The following CRADD variants were observed in gnomAD, a reference collection of about 807,000 sequenced individuals.
The protein encoded by CRADD is CARD and death domain containing adaptor protein.
A neutral mutation model predicts 15.5 loss-of-function variants in CRADD; 9 were observed. The observed-to-expected ratio is 0.58, with a 90% CI of 0.35 to 1.01. The LOEUF (loss-of-function observed/expected upper bound fraction) is 1.01. CRADD is among the 50% of genes least tolerant of loss of function. CRADD has a pLI of 0.02. For missense variants in CRADD, 227 were observed against 250.3 expected (o/e 0.91, Z 0.63); for synonymous variants, 118 against 107.6 (o/e 1.10, Z -0.60).
rs959243302 is a variant in CRADD, at chr12:93,850,703, G to A, written c.*432G>A. The A allele has an allele frequency of 1.0e-6, 1 of 983,920 alleles. No individual in the cohort carries two copies. The allele number at this position is 983,920 out of a possible 1,614,324, so 60.9% of individuals were successfully genotyped here. ...AACTGTGGACTTTACTATTCATAAT[G>A]ATAAAATAATAAAATGCGAATTACT... On this transcript the variant is annotated 3_prime_UTR_variant, in exon 3 of 3. Transcript: ENST00000332896. This position sits in a 1 kb window ranked among gnomAD's most constrained non-coding sequence, Gnocchi z 4.0.
intron 2 of CRADD, among the ~76,000 whole-genome samples, chr12:93,884,199 G>A (rs1463741782): frequency 1.3e-5 from 2 of 152,170 alleles, no homozygotes; most frequent in Admixed American, 6.5e-5. Flanking sequence ...AAATAACAAA[G>A]TACTGCATTT....
intron 2 of CRADD, among the ~76,000 whole-genome samples, chr12:93,790,520 A>G (rs1353902128): frequency 6.6e-6 from 1 of 151,696 alleles, no homozygotes; most frequent in Non-Finnish European, 1.5e-5. Context: ...TTGTGTGTAT[A>G]TTTTCGCTGG....
intron 2 of CRADD, among the ~76,000 whole-genome samples, chr12:93,692,397 T>A (rs1471119614): frequency 6.6e-6 from 1 of 151,962 alleles, no homozygotes; most frequent in Non-Finnish European, 1.5e-5. Flanking sequence ...TTAGATTCAA[T>A]CCAAACAAGA....
chr12:93,849,983 T>C lies in CRADD; in HGVS notation c.312T>C (p.Thr104=), dbSNP rs2137050018. 2.5e-6 allele frequency: 4 copies of C among 1,602,896 alleles called. No individual in the cohort carries two copies. Among genetic ancestry groups the C allele is most frequent in the Non-Finnish European group, 2.6e-6 (3 of 1,169,792 alleles). ...MTDLPAGDRL[T]GIPSHILNSS... is the part of the protein sequence containing the mutation. ...TTTCCTCCTCAGGTGACAGATTGAC[T>C]GGGATCCCCTCGCACATCCTCAACA... Residue 104 remains threonine, a synonymous_variant, in exon 3 of 3, where the codon ACT becomes ACC. Transcript: ENST00000332896.
chr12:93,841,261 G>A (rs913084344), intron 2 of CRADD, among the ~76,000 whole-genome samples: 8 of 152,028 alleles, frequency 5.3e-5, no homozygotes, highest in African/African-American at 1.7e-4. Context: ...TTCTAAAATC[G>A]TAACTGAAAC....
chr12:93,747,998 T>A (rs61928999), intron 2 of CRADD, among the ~76,000 whole-genome samples: 5,625 of 151,606 alleles, frequency 0.037, 154 homozygotes, highest in South Asian at 0.064. Flanking sequence ...GAAAAAAATA[T>A]ATATATATAT....
intron 2 of CRADD, among the ~76,000 whole-genome samples, chr12:93,868,790 C>T (rs1958393309): frequency 6.6e-6 from 1 of 152,014 alleles, no homozygotes; most frequent in Admixed American, 6.6e-5. Flanking sequence ...CAGACATCCA[C>T]CACCTGCAGA....
At chr12:93,866,056 C>T (rs1958364945) in intron 2 of CRADD, among the ~76,000 whole-genome samples, 1 of 152,152 alleles carries the variant, frequency 6.6e-6, no homozygotes, top group African/African-American at 2.4e-5. Flanking sequence ...TTTTCCCTCT[C>T]TAGAAGCTTT....
chr12:93,780,649 T>C (rs1475706107), intron 2 of CRADD, among the ~76,000 whole-genome samples: 1 of 152,184 alleles, frequency 6.6e-6, no homozygotes, highest in Non-Finnish European at 1.5e-5. Context: ...TGCCAGTAGA[T>C]GTTATTGAAG....
At chr12:93,779,384 G>C (rs1233763822) in intron 2 of CRADD, among the ~76,000 whole-genome samples, 1 of 151,628 alleles carries the variant, frequency 6.6e-6, no homozygotes, top group Non-Finnish European at 1.5e-5. Flanking sequence ...AAGAAAAGTT[G>C]GACATAACCA....
chr12:93,703,814 C>T (rs1955886295), intron 2 of CRADD, among the ~76,000 whole-genome samples: 1 of 152,090 alleles, frequency 6.6e-6, no homozygotes, highest in South Asian at 2.1e-4. Context: ...AGGAAATTGA[C>T]ATTGGTGCAA....
At chr12:93,838,259 G>C (rs1235328084) in intron 2 of CRADD, among the ~76,000 whole-genome samples, 1 of 138,350 alleles carries the variant, frequency 7.2e-6, no homozygotes, top group Non-Finnish European at 1.5e-5. Context: ...CAGTCTCTCA[G>C]CCAAAGGGAT....
chr12:93,803,265 A>T (rs531252688), intron 2 of CRADD, among the ~76,000 whole-genome samples: 9 of 152,302 alleles, frequency 5.9e-5, no homozygotes, highest in African/African-American at 2.2e-4. Flanking sequence ...GGCCTGGCCC[A>T]TGAAAACCTC....
chr12:93,832,218 C>G (rs1957913245), intron 2 of CRADD, among the ~76,000 whole-genome samples: 1 of 152,190 alleles, frequency 6.6e-6, no homozygotes, highest in South Asian at 2.1e-4. Flanking sequence ...CCTGCCTTCT[C>G]TCTCTCTTCC....
chr12:93,694,985 A>C (rs1955666011), intron 2 of CRADD, among the ~76,000 whole-genome samples: 1 of 152,248 alleles, frequency 6.6e-6, no homozygotes, highest in Non-Finnish European at 1.5e-5. Flanking sequence ...ATGGAACCAC[A>C]AAAGACCCTG....
At position 93,694,807 on chromosome 12, in the gene CRADD, T is replaced by C. The variant is rs61528300; in HGVS notation, c.298+15735T>C. 4.5e-3 allele frequency among the ~76,000 whole-genome samples: 691 copies of C among 152,196 alleles called. 2 individuals carry two copies. The highest frequency in any genetic ancestry group is 0.016 in the African/African-American group (665 of 41,548). On this transcript the variant is annotated intron_variant, in intron 2 of 2. Coordinates refer to ENST00000332896, the MANE Select transcript of CRADD (RefSeq NM_003805.5). ...CTGTTAAAACATTGATGAAAGAAAC[T>C]GAAGAAGACACAAATAAATGGGAGG...
At chr12:93,704,151 A>G (rs1435899724) in intron 2 of CRADD, among the ~76,000 whole-genome samples, 4 of 151,812 alleles carry the variant, frequency 2.6e-5, no homozygotes, top group Non-Finnish European at 4.4e-5. Context: ...ATAATTAATA[A>G]TAGCAAAACT....
intron 2 of CRADD, among the ~76,000 whole-genome samples, chr12:93,834,314 C>G (rs1003868191): frequency 2.0e-5 from 3 of 152,078 alleles, no homozygotes; most frequent in African/African-American, 7.2e-5. Context: ...AGAACTTTCA[C>G]TCTTTTTCCT....
At chr12:93,703,792 A>G (rs1365453333) in intron 2 of CRADD, among the ~76,000 whole-genome samples, 1 of 152,124 alleles carries the variant, frequency 6.6e-6, no homozygotes, top group Admixed American at 6.5e-5. Flanking sequence ...ATCATAGCAC[A>G]TTGTTAAAAG....
Sources: allele counts gnomAD v4.1 joint callset (sites outside exome capture counted in the v4.1 genomes callset), GRCh38; gene constraint gnomAD v4.1.1; non-coding constraint Gnocchi (gnomAD v3.1); transcripts MANE v1.5; gene names NCBI Gene and HGNC (gene_info 2026-07-23, HGNC 2026-07-21).